The following TMEM217 variants were observed in gnomAD, a reference collection of about 807,000 sequenced individuals.
TMEM217 encodes the protein transmembrane protein 217, also known as chromosome 6 open reading frame 128.
For synonymous variants in TMEM217, 76 were observed against 88.3 expected, an observed-to-expected ratio of 0.86 and a Z score of 0.78; for missense variants, 204 against 248.8, an observed-to-expected ratio of 0.82 and a Z score of 1.21.
At chr6:37,219,841 C>G (rs974682863) in intron 1 of TMEM217, among the ~76,000 whole-genome samples, 1 of 152,136 alleles carries the variant, frequency 6.6e-6, no homozygotes, top group Non-Finnish European at 1.5e-5. Flanking sequence ...ACAGATGTTT[C>G]AGGATATAAC....
At chr6:37,229,636 C>T (rs1476414302) in intron 1 of TMEM217, among the ~76,000 whole-genome samples, 7 of 152,272 alleles carry the variant, frequency 4.6e-5, no homozygotes, top group South Asian at 2.1e-4. Flanking sequence ...GCCACCGCGC[C>T]GGCCAATGTG....
intron 1 of TMEM217, among the ~76,000 whole-genome samples, chr6:37,223,304 A>G (rs1388907410): frequency 3.3e-5 from 5 of 152,190 alleles, no homozygotes; most frequent in Admixed American, 3.3e-4. Context: ...GAAAATCTAC[A>G]CAAAACATAT....
intron 1 of TMEM217, among the ~76,000 whole-genome samples, chr6:37,234,423 C>T (rs1764376965): frequency 6.6e-6 from 1 of 152,148 alleles, no homozygotes. Context: ...TTTGACTTAA[C>T]AATATTTTCA....
At chr6:37,214,610 C>T (rs1027206620), downstream of TMEM217, among the ~76,000 whole-genome samples, 9 of 152,306 alleles carry the variant, frequency 5.9e-5, no homozygotes, top group Non-Finnish European at 1.2e-4. Context: ...TTCCCCCGCT[C>T]CCTACTAACC....
At chr6:37,239,967 A>T (rs546177310) in intron 1 of TMEM217, among the ~76,000 whole-genome samples, 4 of 152,202 alleles carry the variant, frequency 2.6e-5, no homozygotes, top group African/African-American at 9.6e-5. Context: ...AACAACTAGA[A>T]ATTTATTTTC....
downstream of TMEM217, chr6:37,213,060 C>A (rs534243278): frequency 4.3e-5 from 47 of 1,081,286 alleles, no homozygotes; most frequent in South Asian, 4.9e-4. Flanking sequence ...ACAAATCCCC[C>A]AAGTCACTAG....
chr6:37,249,052 C>G (rs1765247280), intron 1 of TMEM217, among the ~76,000 whole-genome samples: 1 of 152,168 alleles, frequency 6.6e-6, no homozygotes, highest in African/African-American at 2.4e-5. Flanking sequence ...TATCTTCTCT[C>G]ATAAAACAAC....
exon 2 of TMEM217, chr6:37,218,679 C>T: frequency 6.2e-7 from 1 of 1,614,062 alleles, no homozygotes; most frequent in Non-Finnish European, 8.5e-7. Flanking sequence ...ATGTCAAAGT[C>T]ATTGTTGGTG....
chr6:37,245,396 C>T (rs143218643), intron 1 of TMEM217, among the ~76,000 whole-genome samples: 1 of 152,332 alleles, frequency 6.6e-6, no homozygotes, highest in Non-Finnish European at 1.5e-5. Context: ...CTGGCATTGC[C>T]CATTAGTGGA....
At chr6:37,258,032 C>G (rs1404233389) in exon 1 of TMEM217, 1 of 1,574,884 alleles carries the variant, frequency 6.3e-7, no homozygotes, top group Middle Eastern at 1.8e-4. Context: ...AGATCCTAAT[C>G]CCTGAATCCC....
downstream of TMEM217, among the ~76,000 whole-genome samples, chr6:37,216,028 T>TGAGA (rs1282959579): frequency 2.8e-4 from 32 of 116,156 alleles, no homozygotes; most frequent in Non-Finnish European, 4.7e-4. Context: ...TGTGTGTGTG[T>TGAGA]GTGTGAGAAA....
At chr6:37,228,595 T>G (rs529139788) in intron 1 of TMEM217, among the ~76,000 whole-genome samples, 3 of 152,014 alleles carry the variant, frequency 2.0e-5, no homozygotes, top group African/African-American at 7.3e-5. Flanking sequence ...TCCCAGATAC[T>G]CGGGAGGCTG....
At chr6:37,233,805 CCTAA>C (rs1485259042) in intron 1 of TMEM217, among the ~76,000 whole-genome samples, 1 of 152,092 alleles carries the variant, frequency 6.6e-6, no homozygotes, top group Non-Finnish European at 1.5e-5. Flanking sequence ...TAACTAAGTC[CCTAA>C]CTAACTTAAG....
chr6:37,251,780 T>A (rs1765412520), intron 1 of TMEM217, among the ~76,000 whole-genome samples: 1 of 152,236 alleles, frequency 6.6e-6, no homozygotes, highest in South Asian at 2.1e-4. Flanking sequence ...TGTTTATTAA[T>A]CTTTTTCTTA....
At chr6:37,215,999 GT>G (rs1763182879), downstream of TMEM217, among the ~76,000 whole-genome samples, 1 of 16,406 alleles carries the variant, frequency 6.1e-5, no homozygotes, top group Non-Finnish European at 1.2e-4. Context: ...TTCAGGGTGT[GT>G]GTGTGTGTGT....
chr6:37,218,819 A>G, exon 2 of TMEM217: 2 of 1,614,220 alleles, frequency 1.2e-6, no homozygotes, highest in Non-Finnish European at 1.7e-6. Flanking sequence ...GATGAAAGAC[A>G]GGAAGAGGAC....
At chr6:37,218,116 T>C in exon 2 of TMEM217, 1 of 1,043,836 alleles carries the variant, frequency 9.6e-7, no homozygotes, top group Non-Finnish European at 1.2e-6. Context: ...CTACCTCTTA[T>C]GGGAAAGAAA....
rs374265453 is a variant in TMEM217, at chr6:37,252,637, ATTTTTTT to A, written c.-12+4924_-12+4930del. Reference sequence around the variant, plus strand: ...TGTGTGTATATATATATATATATATATTTTTTTTTTTTTTTTTTTTTTGACAGGGTCT... The same window carrying A: ...TGTGTGTATATATATATATATATATATTTTTTTTTTTTTTTGACAGGGTCT... On this transcript the variant is annotated intron_variant, in intron 1 of 1. Transcript: ENST00000357219. Among the ~76,000 whole-genome samples, 599 of 71,248 alleles carry A rather than the reference ATTTTTTT, an allele frequency of 8.4e-3. 2 individuals are homozygous for A. Among genetic ancestry groups the A allele is most frequent in the African/African-American group, 0.011 (203 of 19,116 alleles). The allele number at this position is 71,248 out of a possible 152,430, so 46.7% of individuals were successfully genotyped here.
In TMEM217 at chr6:37,234,226, A is replaced by G. The variant is rs568183547; in HGVS notation, c.-11-15185T>C. Among the ~76,000 whole-genome samples the G allele has an allele frequency of 2.1e-4, 32 of 151,900 alleles. No homozygotes were observed. The East Asian group carries it at 6.0e-3, about 29-fold the overall frequency. ...ATGATTCTCCTGCCTCAGCCTCCCAAGTAGCTGGGATTACAGGCATGCGCC... is the reference window on the plus strand; with the variant it reads ...ATGATTCTCCTGCCTCAGCCTCCCAGGTAGCTGGGATTACAGGCATGCGCC... On this transcript the variant is annotated intron_variant, in intron 1 of 1. Coordinates refer to ENST00000357219, the Ensembl canonical transcript of TMEM217.
Sources: gnomAD v4.1 joint callset for allele counts (sites outside exome capture counted in the v4.1 genomes callset) on GRCh38, gnomAD v4.1.1 for gene constraint, MANE v1.5 for transcripts, NCBI Gene and HGNC (gene_info 2026-07-23, HGNC 2026-07-21) for gene names.